Variants in SIRPB2 observed in about 807,000 individuals in gnomAD.
SIRPB2 encodes the protein signal-regulatory protein beta-2.
SIRPB2 carries 18 observed loss-of-function variants against 27.1 expected under a neutral mutation model. The ratio of observed to expected loss-of-function variants is 0.66; its 90% confidence interval spans 0.46 to 0.98. SIRPB2 has a LOEUF of 0.98. SIRPB2 is among the 50% of genes least tolerant of loss of function. The pLI is 0.00. For synonymous variants in SIRPB2, 150 were observed against 164.6 expected, an observed-to-expected ratio of 0.91 and a Z score of 0.68; for missense variants, 420 against 417.4, an observed-to-expected ratio of 1.01 and a Z score of -0.06.
rs1056846110 is a variant in SIRPB2, at chr20:1,476,981, A to T, written c.859+357T>A. The T allele has an allele frequency of 1.1e-5, 14 of 1,229,944 alleles. No individual in the cohort carries two copies. The East Asian group carries it at 7.0e-4, about 61-fold the overall frequency. 76.2% of individuals were successfully genotyped at this position (1,229,944 alleles called of 1,614,324 possible). A position where few individuals can be genotyped will look rare whatever the true frequency, so the allele number is the denominator to read the frequency against. ...CAAGGGGCGAGAACCTGCCCATTACACTAGGAAGGGGCTCCATCCAGGAGG... is the reference window on the plus strand; with the variant it reads ...CAAGGGGCGAGAACCTGCCCATTACTCTAGGAAGGGGCTCCATCCAGGAGG... On this transcript the variant is annotated intron_variant, in intron 4 of 4. Transcript: ENST00000359801.
At chr20:1,488,394 C>T (rs969273358) in intron 1 of SIRPB2, among the ~76,000 whole-genome samples, 1 of 152,066 alleles carries the variant, frequency 6.6e-6, no homozygotes, top group African/African-American at 2.4e-5. Context: ...CTGAGGCAGG[C>T]GGATCACTGG....
At chr20:1,476,728 C>T (rs186147871) in intron 4 of SIRPB2, 2 of 1,048,144 alleles carry the variant, frequency 1.9e-6, no homozygotes, top group East Asian at 9.3e-5. Context: ...CCGTCTGGCC[C>T]CCATGAATGG....
downstream of SIRPB2, among the ~76,000 whole-genome samples, chr20:1,473,609 A>G (rs186704088): frequency 0.1 from 15,602 of 152,180 alleles, 925 homozygotes; most frequent in Admixed American, 0.18. Flanking sequence ...AGAGGCCTTT[A>G]AAGGTAAGAG....
chr20:1,482,175 A>C (rs912828886), intron 1 of SIRPB2, among the ~76,000 whole-genome samples: 1 of 152,188 alleles, frequency 6.6e-6, no homozygotes, highest in African/African-American at 2.4e-5. Context: ...TGAGTTTACT[A>C]CTGTAAGTTT....
At chr20:1,479,611 G>A in intron 2 of SIRPB2, 89 bp downstream of exon 2, 1 of 1,535,916 alleles carries the variant, frequency 6.5e-7, no homozygotes, top group Non-Finnish European at 8.8e-7. Context: ...CTGAAATTTT[G>A]TGTGATACAG....
chr20:1,484,806 A>G (rs1228431129), intron 1 of SIRPB2, among the ~76,000 whole-genome samples: 2 of 152,220 alleles, frequency 1.3e-5, no homozygotes, highest in African/African-American at 4.8e-5. Context: ...TACAGCCACT[A>G]TGAAAAACAG....
chr20:1,483,082 A>C (rs1230091115), intron 1 of SIRPB2, among the ~76,000 whole-genome samples: 2 of 151,210 alleles, frequency 1.3e-5, no homozygotes, highest in East Asian at 3.9e-4. Flanking sequence ...AGTGTATAAG[A>C]GTTCCCTTTT....
At chr20:1,480,175 A>G in intron 1 of SIRPB2, 110 bp from the exon 2 acceptor site, 1 of 1,379,092 alleles carries the variant, frequency 7.3e-7, no homozygotes, top group Non-Finnish European at 9.6e-7. Flanking sequence ...GGCCCAGGAT[A>G]AGACAGGAGT....
Position 1,478,452 on chromosome 20 carries a change from C to A in SIRPB2, c.607G>T (p.Ala203Ser). The change falls in exon 3 of 5, where the codon GCC (alanine) becomes TCC (serine). Residue 203 changes from alanine to serine, a missense_variant. Physicochemically the swap from Ala to Ser is moderately conservative, Grantham distance 99 (BLOSUM62 1). Coordinates refer to ENST00000359801, the MANE Select transcript of SIRPB2 (RefSeq NM_001122962.2). ...GAGATGCCTCCAAAGTTGTAAATGG[C>A]CTCCCGGCTCAGACCAGCTCCCTGG... ...WFQGAGLSRE[A>S]IYNFGGISHP... 1 of 1,614,184 alleles carries A rather than the reference C, an allele frequency of 6.2e-7. No homozygotes were observed. Among genetic ancestry groups the A allele is most frequent in the South Asian group, 1.1e-5 (1 of 91,082 alleles).
At chr20:1,486,534 G>T (rs574925171) in intron 1 of SIRPB2, among the ~76,000 whole-genome samples, 2 of 152,154 alleles carry the variant, frequency 1.3e-5, no homozygotes, top group African/African-American at 4.8e-5. Flanking sequence ...TATCTCTCAT[G>T]AACATAGATA....
intron 1 of SIRPB2, among the ~76,000 whole-genome samples, chr20:1,487,254 G>A (rs2090735574): frequency 6.6e-6 from 1 of 152,038 alleles, no homozygotes; most frequent in Non-Finnish European, 1.5e-5. Flanking sequence ...AAAATGTAAA[G>A]GAACTGCAAA....
At chr20:1,490,850 G>A (rs2090770173) in intron 1 of SIRPB2, among the ~76,000 whole-genome samples, 1 of 152,138 alleles carries the variant, frequency 6.6e-6, no homozygotes, top group African/African-American at 2.4e-5. Context: ...AATACTTTTT[G>A]AACAAAAGAC....
At chr20:1,480,307 C>T (rs947229503) in intron 1 of SIRPB2, 4 of 492,996 alleles carry the variant, frequency 8.1e-6, no homozygotes, top group African/African-American at 1.9e-5. Context: ...GTGCTGGGCC[C>T]TGCGTGCATG....
In SIRPB2 at chr20:1,479,745, G is replaced by A. The variant is rs2090647774; in HGVS notation, c.406C>T (p.His136Tyr). The A allele has an allele frequency of 6.2e-7, 1 of 1,614,216 alleles. No individual in the cohort carries two copies. The highest frequency in any genetic ancestry group is 1.1e-5 in the South Asian group (1 of 91,090). Residue 136 changes from histidine (H) to tyrosine (Y), a missense_variant, in exon 2 of 5, where the codon CAC (histidine) becomes TAC (tyrosine). Transcript: ENST00000359801. ...CCTTCATCCGATTTCATTTCTGAGT[G>A]TTCACTCAAACCATCAAACCTCACA... is the stretch of plus-strand genomic sequence containing the variant. ...HCVRFDGLSE[H>Y]SEMKSDEGTS... is the part of the protein sequence containing the mutation.
At chr20:1,489,422 G>T (rs2090756565) in intron 1 of SIRPB2, among the ~76,000 whole-genome samples, 1 of 152,226 alleles carries the variant, frequency 6.6e-6, no homozygotes. Flanking sequence ...TGTGTGAGGA[G>T]AAAGAAGCAA....
chr20:1,477,218 G>A (rs1320054615), intron 4 of SIRPB2, 120 bp downstream of exon 4: 3 of 1,612,172 alleles, frequency 1.9e-6, no homozygotes, highest in Middle Eastern at 1.6e-4. Context: ...AGTCCTGGGA[G>A]CATTCTTGGT....
At chr20:1,481,635 C>T (rs1347771781) in intron 1 of SIRPB2, among the ~76,000 whole-genome samples, 1 of 152,162 alleles carries the variant, frequency 6.6e-6, no homozygotes, top group Non-Finnish European at 1.5e-5. Flanking sequence ...CTAGGAAAGA[C>T]TTATGGAATT....
chr20:1,482,470 A>G (rs904884460), intron 1 of SIRPB2, among the ~76,000 whole-genome samples: 2 of 151,394 alleles, frequency 1.3e-5, no homozygotes, highest in African/African-American at 4.9e-5. Flanking sequence ...TAGCACCTGC[A>G]TAGTTGTCTT....
rs149135702 is a variant in SIRPB2, at chr20:1,491,338, G to C, written c.22C>G (p.Pro8Ala). 9.9e-4 allele frequency: 1,588 copies of C among 1,610,394 alleles called. 16 individuals are homozygous for C. In the African/African-American group the frequency reaches 0.017, roughly 17 times the overall value. Reference protein sequence around the residue: MCSTMSAPTCLAHLPPCF... With the variant: MCSTMSAATCLAHLPPCF... The stretch of plus-strand genomic sequence containing the variant: ...GGAGGCAAGTGGGCCAGGCAGGTGG[G>C]GGCCGACATCGTGGAGCACATGGCA... The change falls in exon 1 of 5, where the codon CCC becomes GCC. Residue 8 changes from proline to alanine, a missense_variant. Physicochemically the swap from Pro to Ala is conservative, Grantham distance 27. Coordinates refer to ENST00000359801, the MANE Select transcript of SIRPB2 (RefSeq NM_001122962.2).
Sources: gnomAD v4.1 joint callset for allele counts (sites outside exome capture counted in the v4.1 genomes callset) on GRCh38, gnomAD v4.1.1 for gene constraint, MANE v1.5 for transcripts, NCBI Gene and HGNC (gene_info 2026-07-23, HGNC 2026-07-21) for gene names.